SAMD12: variants seen among roughly 807,000 people sequenced by gnomAD.
SAMD12 encodes the protein sterile alpha motif domain containing 12.
Under a neutral mutation model 15.0 loss-of-function variants are expected in SAMD12, and 9 were observed. The observed-to-expected ratio is 0.60, with a 90% CI of 0.36 to 1.05. The LOEUF is 1.05. SAMD12 is among the 50% of genes least tolerant of loss of function. The pLI is 0.01. For synonymous variants in SAMD12, 86 were observed against 90.1 expected (o/e 0.96, Z 0.25); for missense variants, 230 against 234.2 (o/e 0.98, Z 0.12).
At chr8:118,486,215 C>T (rs990398671) in intron 2 of SAMD12, among the ~76,000 whole-genome samples, 10 of 151,946 alleles carry the variant, frequency 6.6e-5, no homozygotes, top group East Asian at 1.9e-4. Context: ...GAGATAGAGA[C>T]CATCCTGGCT....
At chr8:118,431,541 C>G (rs1266842019) in intron 3 of SAMD12, among the ~76,000 whole-genome samples, 3 of 151,568 alleles carry the variant, frequency 2.0e-5, no homozygotes, top group Admixed American at 1.3e-4. Flanking sequence ...TTGTTTCAAC[C>G]CTTTAAAGTT....
At chr8:118,471,789 T>C (rs779451283) in intron 2 of SAMD12, among the ~76,000 whole-genome samples, 4 of 152,110 alleles carry the variant, frequency 2.6e-5, no homozygotes, top group Non-Finnish European at 4.4e-5. Context: ...GTGGTGACCG[T>C]GGTGGTGATG....
intron 1 of SAMD12, among the ~76,000 whole-genome samples, chr8:118,582,289 T>C (rs796708238): frequency 2.6e-5 from 4 of 152,302 alleles, no homozygotes; most frequent in South Asian, 2.1e-4. Context: ...CAGAAACAAT[T>C]TGCCTGTTTC....
intron 4 of SAMD12, chr8:118,284,132 T>C (rs537747888): frequency 2.5e-4 from 92 of 370,478 alleles, no homozygotes; most frequent in Middle Eastern, 1.1e-3. Flanking sequence ...TGCCCTTCCA[T>C]GTATATTCTT....
chr8:118,503,473 T>C (rs1327826761), intron 2 of SAMD12, among the ~76,000 whole-genome samples: 1 of 152,164 alleles, frequency 6.6e-6, no homozygotes, highest in East Asian at 1.9e-4. Flanking sequence ...TAAGAGCACT[T>C]CTAAGGTTCA....
intron 4 of SAMD12, among the ~76,000 whole-genome samples, chr8:118,272,853 C>T (rs547134075): frequency 3.3e-5 from 5 of 152,270 alleles, no homozygotes; most frequent in Middle Eastern, 3.4e-3. Context: ...CATCAAGTCT[C>T]TAGGAAGTTC....
At chr8:118,233,528 C>T (rs981916181) in intron 4 of SAMD12, among the ~76,000 whole-genome samples, 1 of 152,142 alleles carries the variant, frequency 6.6e-6, no homozygotes, top group African/African-American at 2.4e-5. Context: ...CTATGGGCCT[C>T]AGTTTTCTCT....
chr8:118,305,145 A>C (rs1295672428), intron 4 of SAMD12, among the ~76,000 whole-genome samples: 8 of 41,452 alleles, frequency 1.9e-4, no homozygotes, highest in Admixed American at 1.3e-3. Flanking sequence ...ACTCCCTGTC[A>C]AAAAAAAAAA....
chr8:118,265,775 G>A (rs1355329709), intron 4 of SAMD12, among the ~76,000 whole-genome samples: 1 of 151,742 alleles, frequency 6.6e-6, no homozygotes, highest in African/African-American at 2.4e-5. Context: ...TAAAGTATAT[G>A]TAAAATTTGT....
intron 2 of SAMD12, among the ~76,000 whole-genome samples, chr8:118,459,439 A>T (rs960866032): frequency 1.3e-5 from 2 of 152,218 alleles, no homozygotes; most frequent in African/African-American, 4.8e-5. Context: ...TTATAGGGTT[A>T]AAATATTCAG....
chr8:118,240,593 A>T (rs989400660), intron 4 of SAMD12, among the ~76,000 whole-genome samples: 3 of 152,140 alleles, frequency 2.0e-5, no homozygotes, highest in African/African-American at 7.2e-5. Context: ...AGTAATTGAA[A>T]TGGTGCTTGT....
the SAMD12 span, among the ~76,000 whole-genome samples, chr8:118,155,677 T>C: frequency 6.6e-6 from 1 of 152,216 alleles, no homozygotes; most frequent in Non-Finnish European, 1.5e-5. Flanking sequence ...GTGAATGGAA[T>C]GCGAGGTGAG....
At chr8:118,601,056 C>T (rs564712613) in intron 1 of SAMD12, among the ~76,000 whole-genome samples, 117 of 152,290 alleles carry the variant, frequency 7.7e-4, no homozygotes, top group Non-Finnish European at 1.5e-3. Flanking sequence ...AATGCCTTGA[C>T]TGCTATGCAA....
intron 4 of SAMD12, among the ~76,000 whole-genome samples, chr8:118,239,594 C>T (rs975842673): frequency 2.0e-5 from 3 of 152,140 alleles, no homozygotes; most frequent in African/African-American, 7.2e-5. Flanking sequence ...CAAAGACTTT[C>T]CATCATACTC....
At chr8:118,342,464 A>G (rs1241646540) in intron 4 of SAMD12, among the ~76,000 whole-genome samples, 1 of 152,164 alleles carries the variant, frequency 6.6e-6, no homozygotes, top group Non-Finnish European at 1.5e-5. Context: ...ACAAGAGAAA[A>G]TCGAATATCT....
At position 118,220,946 on chromosome 8, in the gene SAMD12, C is replaced by T. The variant is rs28365493; in HGVS notation, c.434-23214G>A. The stretch of plus-strand genomic sequence containing the variant: ...CAGGAGGGGTGGGGGACATATTGTC[C>T]ATTGAGATGAGAAGACGTGTGGTGG... On this transcript the variant is annotated intron_variant, in intron 4 of 4. Transcript: ENST00000409003. Among the ~76,000 whole-genome samples, 28 of 151,876 alleles carry T rather than the reference C, an allele frequency of 1.8e-4. No individual in the cohort carries two copies. The East Asian group carries it at 5.4e-3, about 29-fold the overall frequency.
At chr8:118,588,727 G>A (rs1027862942) in intron 1 of SAMD12, among the ~76,000 whole-genome samples, 5 of 152,128 alleles carry the variant, frequency 3.3e-5, no homozygotes, top group African/African-American at 1.2e-4. Context: ...GAAGGGCACT[G>A]GGACCTGATA....
chr8:118,541,434 A>G (rs949852745), intron 2 of SAMD12, among the ~76,000 whole-genome samples: 12 of 152,226 alleles, frequency 7.9e-5, no homozygotes, highest in African/African-American at 2.9e-4. Flanking sequence ...CTAAGAGTCA[A>G]GAAAACTCTT....
At chr8:118,415,448 GGTGTGTGTGT>G (rs58176749) in intron 3 of SAMD12, among the ~76,000 whole-genome samples, 2,381 of 142,944 alleles carry the variant, frequency 0.017, 60 homozygotes, top group African/African-American at 0.057. Context: ...CTTGTCCTAA[GGTGTGTGTGT>G]GTGTGTGTGT....
Sources: allele counts gnomAD v4.1 joint callset (sites outside exome capture counted in the v4.1 genomes callset), GRCh38; gene constraint gnomAD v4.1.1; transcripts MANE v1.5; gene names NCBI Gene and HGNC (gene_info 2026-07-23, HGNC 2026-07-21).